Variants in CNOT10 observed in about 807,000 individuals in gnomAD.
CNOT10 encodes CCR4-NOT transcription complex subunit 10, also known as CCR4-NOT transcription complex, subunit 10.
Under a neutral mutation model 94.6 loss-of-function variants are expected in CNOT10, and 30 were observed. The ratio of observed to expected loss-of-function variants is 0.32; its 90% CI spans 0.24 to 0.43. The LOEUF is 0.43. Ranked by LOEUF, CNOT10 falls within the 20% of genes least tolerant of loss-of-function variation. The pLI is 1.00. For synonymous variants in CNOT10, 289 were observed against 301.6 expected (o/e 0.96, Z 0.43); for missense variants, 759 against 877.2 (o/e 0.87, Z 1.70).
intron 13 of CNOT10, among the ~76,000 whole-genome samples, chr3:32,750,979 G>A (rs540568333): frequency 6.6e-6 from 1 of 152,288 alleles, no homozygotes; most frequent in Non-Finnish European, 1.5e-5. Context: ...TGAACTTAAT[G>A]GAGGCTATTC....
intron 15 of CNOT10, 105 bp downstream of exon 15, chr3:32,762,968 T>C (rs1282426442): frequency 7.8e-7 from 1 of 1,285,668 alleles, no homozygotes; most frequent in African/African-American, 1.6e-5. Flanking sequence ...GAGAAGAAAG[T>C]TTTAGGTTGG....
chr3:32,773,647 G>A lies in CNOT10; in HGVS notation c.*36G>A. 3 of 1,572,700 alleles carry A rather than the reference G, an allele frequency of 1.9e-6. No homozygotes were observed. The highest frequency in any genetic ancestry group is 2.6e-6 in the Non-Finnish European group (3 of 1,157,830). Reference sequence around the variant, plus strand: ...TTGGAAAACTGTTACCTGAGACCCAGGGGAGAATTTACTGGCCATTTTAGT... The same window carrying A: ...TTGGAAAACTGTTACCTGAGACCCAAGGGAGAATTTACTGGCCATTTTAGT... On this transcript the variant is annotated 3_prime_UTR_variant, in exon 19 of 19. Transcript: ENST00000328834.
At chr3:32,757,443 T>C (rs140792380) in intron 13 of CNOT10, among the ~76,000 whole-genome samples, 3,191 of 152,092 alleles carry the variant, frequency 0.021, 62 homozygotes, top group Middle Eastern at 0.075. Context: ...CCTCCCAAAG[T>C]GCTGGGATTA....
intron 13 of CNOT10, chr3:32,753,242 G>A (rs1700042416): frequency 2.6e-6 from 2 of 765,840 alleles, no homozygotes; most frequent in South Asian, 2.7e-5. Context: ...TAGTGCAGAT[G>A]CTAATTTCAG....
At chr3:32,708,890 C>G (rs1697746298) in intron 4 of CNOT10, 70 bp downstream of exon 4, 1 of 1,264,522 alleles carries the variant, frequency 7.9e-7, no homozygotes, top group African/African-American at 1.5e-5. Flanking sequence ...GTACTTTTAC[C>G]TAGATAACCT....
chr3:32,727,936 A>C (rs1185770245), intron 10 of CNOT10, 66 bp downstream of exon 10: 4 of 998,968 alleles, frequency 4.0e-6, no homozygotes, highest in Non-Finnish European at 5.9e-6. Context: ...GAATGGTTAA[A>C]AAAAAAAAAA....
chr3:32,709,776 C>A (rs547463882), intron 4 of CNOT10, among the ~76,000 whole-genome samples: 1 of 152,202 alleles, frequency 6.6e-6, no homozygotes, highest in Non-Finnish European at 1.5e-5. Flanking sequence ...GGACTGTACA[C>A]ATTTTTCTGT....
intron 13 of CNOT10, among the ~76,000 whole-genome samples, chr3:32,744,360 C>G (rs1207252057): frequency 6.6e-6 from 1 of 152,022 alleles, no homozygotes; most frequent in African/African-American, 2.4e-5. Flanking sequence ...AATGCAAAGC[C>G]CCATTTTCTG....
chr3:32,748,650 T>C (rs1699819583), intron 13 of CNOT10, among the ~76,000 whole-genome samples: 3 of 151,656 alleles, frequency 2.0e-5, no homozygotes, highest in Admixed American at 6.6e-5. Context: ...GTAGCTGGGA[T>C]TACAGCTGCC....
intron 4 of CNOT10, among the ~76,000 whole-genome samples, chr3:32,710,166 AAAAG>A (rs1697818726): frequency 6.6e-6 from 1 of 151,086 alleles, no homozygotes; most frequent in Non-Finnish European, 1.5e-5. Context: ...AAAAAAAAAA[AAAAG>A]AGAATTTCCT....
At chr3:32,702,044 C>T (rs906266906) in intron 1 of CNOT10, among the ~76,000 whole-genome samples, 4 of 151,226 alleles carry the variant, frequency 2.6e-5, no homozygotes, top group African/African-American at 9.7e-5. Context: ...GTGATCCACC[C>T]GCCTTGGCCT....
chr3:32,733,411 T>A lies in CNOT10; in HGVS notation c.1216-12T>A. ...TCCCTTAAATTTATTGGAAATTATT[T>A]GTATTTTGTAGACTTCTGAACAAGA... On this transcript the variant is annotated splice_polypyrimidine_tract_variant and intron_variant, in intron 10 of 18. Coordinates refer to ENST00000328834, the MANE Select transcript of CNOT10 (RefSeq NM_015442.3). 6.5e-7 allele frequency: 1 copy of A among 1,548,456 alleles called. No individual in the cohort carries two copies. The highest frequency in any genetic ancestry group is 8.8e-7 in the Non-Finnish European group (1 of 1,142,236).
chr3:32,709,110 A>T (rs563077905), intron 4 of CNOT10, among the ~76,000 whole-genome samples: 1 of 152,284 alleles, frequency 6.6e-6, no homozygotes, highest in East Asian at 1.9e-4. Flanking sequence ...AGTGTACCTG[A>T]TCCTTTCTTA....
chr3:32,762,947 A>G (rs969594502), intron 15 of CNOT10, 84 bp downstream of exon 15: 2 of 1,390,708 alleles, frequency 1.4e-6, no homozygotes, highest in Non-Finnish European at 9.4e-7. Context: ...AAATTTAGGC[A>G]TGGTGGTAAT....
At chr3:32,753,278 G>A (rs1700044658) in intron 13 of CNOT10, 1 of 846,054 alleles carries the variant, frequency 1.2e-6, no homozygotes, top group Non-Finnish European at 2.1e-6. Flanking sequence ...ATGTCAAGAA[G>A]CTCAGAATGG....
At chr3:32,696,787 G>A (rs1697089968) in intron 1 of CNOT10, among the ~76,000 whole-genome samples, 2 of 151,808 alleles carry the variant, frequency 1.3e-5, no homozygotes, top group Admixed American at 1.3e-4. Flanking sequence ...TGGTAGAGAT[G>A]GGTTTTCACC....
chr3:32,695,838 A>G, intron 1 of CNOT10: 1 of 1,529,972 alleles, frequency 6.5e-7, no homozygotes, highest in Non-Finnish European at 8.8e-7. Context: ...GTAAGAAGTC[A>G]GTAGTTATAA....
At chr3:32,753,637 CCAT>C (rs1700062621) in intron 13 of CNOT10, 23 of 1,564,652 alleles carry the variant, frequency 1.5e-5, no homozygotes, top group South Asian at 4.5e-5. Context: ...GCACCTACAT[CCAT>C]CATCATCTCC....
chr3:32,697,962 A>G (rs796602467), intron 1 of CNOT10, among the ~76,000 whole-genome samples: 11 of 152,344 alleles, frequency 7.2e-5, no homozygotes, highest in African/African-American at 2.6e-4. Flanking sequence ...TATGGTGACA[A>G]TATGTGGATT....
Sources: allele counts gnomAD v4.1 joint callset (sites outside exome capture counted in the v4.1 genomes callset), GRCh38; gene constraint gnomAD v4.1.1; transcripts MANE v1.5; gene names NCBI Gene and HGNC (gene_info 2026-07-23, HGNC 2026-07-21).